TPRG1: variants seen among roughly 807,000 people sequenced by gnomAD.
The protein encoded by TPRG1 is tumor protein p63 regulated 1, also known as tumor protein p63-regulated gene 1 protein.
In TPRG1, 29 loss-of-function variants were observed where a neutral mutation model predicts 29.3. The observed-to-expected ratio is 0.99, with a 90% confidence interval of 0.74 to 1.35. TPRG1 has a LOEUF of 1.35. TPRG1 is among the 40% of genes most tolerant of loss of function. The probability of loss-of-function intolerance (pLI) is 0.00; values close to 1 mark genes in which losing one functional copy is unlikely to be tolerated. For missense variants in TPRG1, 327 were observed against 335.0 expected, an observed-to-expected ratio of 0.98 and a Z score of 0.19; for synonymous variants, 130 against 116.8, an observed-to-expected ratio of 1.11 and a Z score of -0.73.
chr3:189,026,168 G>A (rs1560401938), intron 4 of TPRG1, among the ~76,000 whole-genome samples: 1 of 152,156 alleles, frequency 6.6e-6, no homozygotes, highest in African/African-American at 2.4e-5. Context: ...GATGCTAACA[G>A]GGTTGGTTTC....
intron 5 of TPRG1, among the ~76,000 whole-genome samples, chr3:189,316,777 C>T (rs538683830): frequency 6.6e-6 from 1 of 152,222 alleles, no homozygotes; most frequent in African/African-American, 2.4e-5. Context: ...AAGAGAGAGC[C>T]AGAGGTGGGT....
chr3:189,170,117 C>T (rs1237605409), upstream of TPRG1, among the ~76,000 whole-genome samples: 1 of 152,158 alleles, frequency 6.6e-6, no homozygotes, highest in Non-Finnish European at 1.5e-5. Context: ...CTTAAGAGAC[C>T]AGGCTGGGAT....
At chr3:189,093,983 T>C (rs1718507488) in intron 4 of TPRG1, among the ~76,000 whole-genome samples, 1 of 152,102 alleles carries the variant, frequency 6.6e-6, no homozygotes, top group African/African-American at 2.4e-5. Flanking sequence ...CTGGTTTGAA[T>C]CTATCTATAT....
chr3:189,176,840 A>G (rs911282275), intron 1 of TPRG1, among the ~76,000 whole-genome samples: 5 of 152,250 alleles, frequency 3.3e-5, no homozygotes, highest in African/African-American at 1.2e-4. Flanking sequence ...ATGATTGTGG[A>G]GTGAGAACAG....
At chr3:189,219,303 A>T (rs1256122447) in intron 3 of TPRG1, among the ~76,000 whole-genome samples, 2 of 152,152 alleles carry the variant, frequency 1.3e-5, no homozygotes, top group Admixed American at 6.5e-5. Context: ...AAAGAAAATA[A>T]ACAGAGAGTC....
chr3:189,234,112 CA>C (rs955364875), intron 3 of TPRG1, among the ~76,000 whole-genome samples: 10 of 152,162 alleles, frequency 6.6e-5, no homozygotes, highest in Non-Finnish European at 1.3e-4. Flanking sequence ...CTCCTGGGCT[CA>C]AGTGAGCCTC....
At chr3:189,160,429 A>G (rs1371290446) in intron 5 of TPRG1, among the ~76,000 whole-genome samples, 1 of 152,052 alleles carries the variant, frequency 6.6e-6, no homozygotes, top group African/African-American at 2.4e-5. Context: ...TCAGCCATCT[A>G]TTTTGTGCTG....
rs142505576 is a variant in TPRG1, at chr3:189,206,808, C to CGTGT, written c.-9-550_-9-547dup. On this transcript the variant is annotated intron_variant, in intron 1 of 5. Transcript: ENST00000345063. The stretch of plus-strand genomic sequence containing the variant: ...GAGTCACCATGCCCAGCTGAACAAC[C>CGTGT]GTGTGTGTGTGTGTGTGTGTGCACG... Among the ~76,000 whole-genome samples, 945 of 147,724 alleles carry CGTGT rather than the reference C, an allele frequency of 6.4e-3. 15 individuals carry two copies. The highest frequency in any genetic ancestry group is 0.022 in the African/African-American group (867 of 39,172).
chr3:189,294,492 A>G (rs1197292301), intron 4 of TPRG1, among the ~76,000 whole-genome samples: 1 of 152,196 alleles, frequency 6.6e-6, no homozygotes, highest in African/African-American at 2.4e-5. Flanking sequence ...TGAAACACTC[A>G]TTAGTCTACA....
chr3:189,209,778 G>T (rs1018307369), intron 2 of TPRG1, among the ~76,000 whole-genome samples: 1 of 152,154 alleles, frequency 6.6e-6, no homozygotes, highest in Non-Finnish European at 1.5e-5. Flanking sequence ...TCAATGCGAA[G>T]AATATCTTTT....
chr3:189,171,526 G>A (rs1728810401), upstream of TPRG1, among the ~76,000 whole-genome samples: 1 of 152,236 alleles, frequency 6.6e-6, no homozygotes, highest in Non-Finnish European at 1.5e-5. Flanking sequence ...TTTCCTAATA[G>A]GAATACTGAC....
At chr3:189,270,754 G>A (rs1714987772) in intron 4 of TPRG1, among the ~76,000 whole-genome samples, 1 of 152,122 alleles carries the variant, frequency 6.6e-6, no homozygotes, top group South Asian at 2.1e-4. Flanking sequence ...ATGTCCATTT[G>A]CAGCTGAGGA....
upstream of TPRG1, among the ~76,000 whole-genome samples, chr3:189,098,731 C>A (rs540453746): frequency 6.6e-6 from 1 of 152,274 alleles, no homozygotes; most frequent in Non-Finnish European, 1.5e-5. Context: ...AAGTAGAGCC[C>A]GCATTCTGAT....
chr3:189,046,432 C>CG (rs1216910798), intron 4 of TPRG1, among the ~76,000 whole-genome samples: 1 of 152,112 alleles, frequency 6.6e-6, no homozygotes, highest in Non-Finnish European at 1.5e-5. Flanking sequence ...ACAGAGCTAA[C>CG]GGCTATTTCT....
intron 3 of TPRG1, among the ~76,000 whole-genome samples, chr3:189,019,090 AG>A (rs1354709108): frequency 6.6e-6 from 1 of 151,664 alleles, no homozygotes; most frequent in Non-Finnish European, 1.5e-5. Flanking sequence ...TTGTATCCTG[AG>A]ACTTTGCTGA....
intron 5 of TPRG1, among the ~76,000 whole-genome samples, chr3:189,166,166 A>G (rs1728141095): frequency 6.6e-6 from 1 of 152,250 alleles, no homozygotes; most frequent in Non-Finnish European, 1.5e-5. Context: ...ACATTCCAAG[A>G]GAACAGAGCA....
At chr3:189,254,943 A>G (rs958334393) in intron 4 of TPRG1, among the ~76,000 whole-genome samples, 8 of 152,282 alleles carry the variant, frequency 5.3e-5, no homozygotes, top group African/African-American at 1.7e-4. Flanking sequence ...GGGGTTTTCT[A>G]AATATACAGT....
At chr3:189,019,107 C>T (rs1713132944) in intron 3 of TPRG1, among the ~76,000 whole-genome samples, 1 of 151,400 alleles carries the variant, frequency 6.6e-6, no homozygotes, top group African/African-American at 2.4e-5. Flanking sequence ...GCTGAAGTTG[C>T]TTATCAGCTT....
intron 4 of TPRG1, among the ~76,000 whole-genome samples, chr3:189,027,247 C>A (rs1713711055): frequency 6.6e-6 from 1 of 152,168 alleles, no homozygotes; most frequent in Non-Finnish European, 1.5e-5. Flanking sequence ...CTTTTGTAAA[C>A]AATTAGATTT....
Sources: allele counts gnomAD v4.1 joint callset (sites outside exome capture counted in the v4.1 genomes callset), GRCh38; gene constraint gnomAD v4.1.1; transcripts MANE v1.5; gene names NCBI Gene and HGNC (gene_info 2026-07-23, HGNC 2026-07-21).